The following GPM6A variants were observed in gnomAD, a reference collection of about 807,000 sequenced individuals.
The protein encoded by GPM6A is neuronal membrane glycoprotein M6-a.
In GPM6A, 7 loss-of-function variants were observed where a neutral mutation model predicts 32.1. The ratio of observed to expected loss-of-function variants is 0.22; its 90% CI spans 0.12 to 0.41. The LOEUF is 0.41. GPM6A is among the 10% of genes least tolerant of loss of function. GPM6A has a pLI of 1.00. For missense variants in GPM6A, 235 were observed against 347.2 expected (o/e 0.68, Z 2.57); for synonymous variants, 130 against 123.4 (o/e 1.05, Z -0.35).
chr4:175,799,002 G>A lies in GPM6A; in HGVS notation c.37+13189C>T, dbSNP rs144781915. Among the ~76,000 whole-genome samples the A allele has an allele frequency of 4.9e-4, 75 of 152,352 alleles. No individual in the cohort carries two copies. The South Asian group carries it at 7.0e-3, about 14-fold the overall frequency. On this transcript the variant is annotated intron_variant, in intron 1 of 6. Transcript: ENST00000393658. The stretch of plus-strand genomic sequence containing the variant: ...TTGCCAGAGGCTAGTTATGAGCAAT[G>A]AGTTCAAAGATTTCAGTGGCTTGAT...
chr4:175,848,757 A>C (rs1428502593), intron 1 of GPM6A, among the ~76,000 whole-genome samples: 2 of 152,196 alleles, frequency 1.3e-5, no homozygotes, highest in Non-Finnish European at 1.5e-5. Flanking sequence ...ACATGTTTTT[A>C]GTACACAATA....
At chr4:175,685,174 C>T (rs1743911288) in intron 2 of GPM6A, among the ~76,000 whole-genome samples, 1 of 152,188 alleles carries the variant, frequency 6.6e-6, no homozygotes, top group Admixed American at 6.5e-5. Flanking sequence ...CAGACGTGAG[C>T]CACCGCGCCT....
chr4:175,921,489 A>C (rs1313371896), intron 1 of GPM6A, among the ~76,000 whole-genome samples: 1 of 146,314 alleles, frequency 6.8e-6, no homozygotes, highest in Non-Finnish European at 1.5e-5. Flanking sequence ...TGATCCTGCC[A>C]AAAAAAAATC....
At chr4:175,916,136 C>G (rs988968382) in intron 1 of GPM6A, among the ~76,000 whole-genome samples, 1 of 152,196 alleles carries the variant, frequency 6.6e-6, no homozygotes, top group Non-Finnish European at 1.5e-5. Flanking sequence ...TTCACAGGTC[C>G]CCGCTATGCA....
chr4:175,907,661 A>T (rs1738173822), intron 1 of GPM6A, among the ~76,000 whole-genome samples: 1 of 152,160 alleles, frequency 6.6e-6, no homozygotes, highest in South Asian at 2.1e-4. Flanking sequence ...AGAAAGGAAT[A>T]TCCTCTTATC....
intron 1 of GPM6A, among the ~76,000 whole-genome samples, chr4:175,851,246 A>G (rs1180747202): frequency 6.6e-6 from 1 of 151,730 alleles, no homozygotes; most frequent in East Asian, 1.9e-4. Flanking sequence ...AATCCCTTTG[A>G]GAGGCCAAGG....
At chr4:175,733,194 G>T (rs921614259) in intron 1 of GPM6A, among the ~76,000 whole-genome samples, 4 of 152,056 alleles carry the variant, frequency 2.6e-5, no homozygotes. Context: ...AGCCTAAGCA[G>T]TTCAAACTAT....
chr4:175,938,737 C>CAAA (rs3034711), intron 1 of GPM6A, among the ~76,000 whole-genome samples: 140 of 134,070 alleles, frequency 1.0e-3, no homozygotes, highest in Admixed American at 1.7e-3. Flanking sequence ...AAAGTAAAAC[C>CAAA]AAAAAAAAAA....
At chr4:175,909,047 G>GGC (rs1358565878) in intron 1 of GPM6A, among the ~76,000 whole-genome samples, 5 of 94,248 alleles carry the variant, frequency 5.3e-5, no homozygotes, top group East Asian at 3.8e-4. Flanking sequence ...AAGGGCGGGG[G>GGC]GGGGGCAACT....
intron 1 of GPM6A, among the ~76,000 whole-genome samples, chr4:175,803,218 G>GT (rs1734545933): frequency 6.7e-6 from 1 of 149,990 alleles, no homozygotes; most frequent in Non-Finnish European, 1.5e-5. Context: ...CTATGAATGG[G>GT]TTTGTATTCA....
intron 1 of GPM6A, among the ~76,000 whole-genome samples, chr4:175,980,674 T>A (rs569109953): frequency 6.6e-6 from 1 of 152,214 alleles, no homozygotes; most frequent in South Asian, 2.1e-4. Context: ...TTTTTGAAAG[T>A]ATGTTTCTCA....
At chr4:175,730,581 C>T (rs929707220) in intron 1 of GPM6A, among the ~76,000 whole-genome samples, 3 of 152,098 alleles carry the variant, frequency 2.0e-5, no homozygotes, top group Non-Finnish European at 4.4e-5. Flanking sequence ...CGCCATTCTC[C>T]TGCCTCAGCC....
chr4:175,685,118 T>G (rs1443106722), intron 2 of GPM6A, among the ~76,000 whole-genome samples: 1 of 152,142 alleles, frequency 6.6e-6, no homozygotes, highest in Non-Finnish European at 1.5e-5. Flanking sequence ...CTTGATCTCC[T>G]GACCTCGTGA....
intron 1 of GPM6A, among the ~76,000 whole-genome samples, chr4:175,895,831 A>G (rs1326381957): frequency 1.3e-5 from 2 of 152,192 alleles, no homozygotes; most frequent in African/African-American, 4.8e-5. Flanking sequence ...TCAAGTTAAA[A>G]TATTTCCTAA....
rs370596320 is a variant in GPM6A, at chr4:175,666,200, G to A, written c.387+7480C>T. Among the ~76,000 whole-genome samples, 6 of 152,154 alleles carry A rather than the reference G, an allele frequency of 3.9e-5. No homozygotes were observed. The East Asian group carries it at 9.7e-4, about 25-fold the overall frequency. On this transcript the variant is annotated intron_variant, in intron 3 of 6. Coordinates refer to ENST00000393658, the MANE Select transcript of GPM6A (RefSeq NM_201591.3). Reference sequence around the variant, plus strand: ...CTCCCAGAATGCTGGGATTACATGCGTGAGCCACTGTGCCCGGACTGAGAA... The same window carrying A: ...CTCCCAGAATGCTGGGATTACATGCATGAGCCACTGTGCCCGGACTGAGAA...
chr4:175,833,431 G>A (rs1735675395), intron 1 of GPM6A, among the ~76,000 whole-genome samples: 1 of 152,084 alleles, frequency 6.6e-6, no homozygotes, highest in African/African-American at 2.4e-5. Context: ...GTTATGTTTT[G>A]TTTTTAAATC....
chr4:175,749,143 T>C (rs897632632), intron 1 of GPM6A, among the ~76,000 whole-genome samples: 3 of 152,092 alleles, frequency 2.0e-5, no homozygotes, highest in Non-Finnish European at 4.4e-5. Context: ...ATGAGTATAG[T>C]TTATGGCACC....
intron 1 of GPM6A, among the ~76,000 whole-genome samples, chr4:175,727,121 A>T (rs928636197): frequency 6.6e-6 from 1 of 152,224 alleles, no homozygotes; most frequent in Non-Finnish European, 1.5e-5. Flanking sequence ...GAAATTCTAT[A>T]CTACATTTCA....
chr4:175,827,237 G>GA (rs1281290256), intron 1 of GPM6A, among the ~76,000 whole-genome samples: 3 of 152,106 alleles, frequency 2.0e-5, no homozygotes, highest in Non-Finnish European at 2.9e-5. Context: ...GTATGCTGTA[G>GA]AAAAAAATGT....
Sources: gnomAD v4.1 joint callset for allele counts (sites outside exome capture counted in the v4.1 genomes callset) on GRCh38, gnomAD v4.1.1 for gene constraint, MANE v1.5 for transcripts, NCBI Gene and HGNC (gene_info 2026-07-23, HGNC 2026-07-21) for gene names.